Variants in PCSK2 observed in about 807,000 individuals in gnomAD.
PCSK2 encodes the protein proprotein convertase subtilisin/kexin type 2, also known as neuroendocrine convertase 2.
In PCSK2, 14 loss-of-function variants were observed where a neutral mutation model predicts 69.7. The ratio of observed to expected loss-of-function variants is 0.20; its 90% confidence interval spans 0.13 to 0.31. PCSK2 has a LOEUF of 0.31. Ranked by LOEUF, PCSK2 falls within the 10% of genes least tolerant of loss-of-function variation. The probability of loss-of-function intolerance (pLI) is 1.00; values close to 1 mark genes in which losing one functional copy is unlikely to be tolerated. For missense variants in PCSK2, 544 were observed against 842.5 expected (o/e 0.65, Z 4.39); for synonymous variants, 307 against 320.7 (o/e 0.96, Z 0.46).
chr20:17,353,266 T>G (rs2030059805), intron 2 of PCSK2, among the ~76,000 whole-genome samples: 1 of 150,034 alleles, frequency 6.7e-6, no homozygotes, highest in South Asian at 2.1e-4. Context: ...ATTGAGACCA[T>G]CCTGGCCAAC....
intron 1 of PCSK2, among the ~76,000 whole-genome samples, chr20:17,241,099 T>C (rs532013363): frequency 6.6e-6 from 1 of 152,170 alleles, no homozygotes; most frequent in Non-Finnish European, 1.5e-5. Context: ...GTTTTTGTGA[T>C]AGATTTAATA....
At chr20:17,337,483 T>C (rs1990386409) in intron 2 of PCSK2, among the ~76,000 whole-genome samples, 1 of 152,130 alleles carries the variant, frequency 6.6e-6, no homozygotes, top group Admixed American at 6.5e-5. Context: ...AACCCTCAGC[T>C]GTAGATGAGA....
intron 2 of PCSK2, among the ~76,000 whole-genome samples, chr20:17,313,381 C>T (rs1989577270): frequency 6.6e-6 from 1 of 151,944 alleles, no homozygotes; most frequent in Admixed American, 6.6e-5. Flanking sequence ...CTCACCTTCC[C>T]CCTCCCACTC....
At chr20:17,233,037 G>T (rs1022699772) in intron 1 of PCSK2, among the ~76,000 whole-genome samples, 1 of 152,138 alleles carries the variant, frequency 6.6e-6, no homozygotes, top group African/African-American at 2.4e-5. Context: ...TATCCATTTG[G>T]TGCTTTGATG....
chr20:17,301,498 A>T (rs1381011815), intron 2 of PCSK2, among the ~76,000 whole-genome samples: 1 of 152,220 alleles, frequency 6.6e-6, no homozygotes, highest in Non-Finnish European at 1.5e-5. Flanking sequence ...CATTTGACTG[A>T]TTCATCTACA....
At chr20:17,399,457 C>T (rs2031587195) in intron 5 of PCSK2, among the ~76,000 whole-genome samples, 1 of 152,156 alleles carries the variant, frequency 6.6e-6, no homozygotes, top group Non-Finnish European at 1.5e-5. Flanking sequence ...AGAAAAGCAA[C>T]TAATATTCCA....
chr20:17,333,307 A>G (rs1290103654), intron 2 of PCSK2, among the ~76,000 whole-genome samples: 1 of 152,192 alleles, frequency 6.6e-6, no homozygotes, highest in African/African-American at 2.4e-5. Context: ...TCTTTTCCCA[A>G]TTTTTGTATT....
rs113487407 is a variant in PCSK2 at position 17,481,413 on chromosome 20, A to AAAAG, written c.1431-170_1431-169insAAGA. 1.7e-3 allele frequency among the ~76,000 whole-genome samples: 195 copies of AAAAG among 115,820 alleles called. 12 individuals are homozygous for AAAAG. The highest frequency in any genetic ancestry group is 2.7e-3 in the South Asian group (10 of 3,764). 76.0% of individuals were successfully genotyped at this position (115,820 alleles called of 152,430 possible). ...CAAAAAAAAAAAAAAAAAAAAAAAA[A>AAAAG]AGAGATAAGTAACTTACTCAGGCTC... On this transcript the variant is annotated intron_variant, in intron 11 of 11. Transcript: ENST00000262545.
At chr20:17,338,553 G>C (rs1408688852) in intron 2 of PCSK2, among the ~76,000 whole-genome samples, 2 of 152,120 alleles carry the variant, frequency 1.3e-5, no homozygotes, top group East Asian at 3.8e-4. Flanking sequence ...CTTTTTGCCT[G>C]TTCTGTCAGG....
At chr20:17,315,839 G>C (rs1299430128) in intron 2 of PCSK2, among the ~76,000 whole-genome samples, 1 of 152,144 alleles carries the variant, frequency 6.6e-6, no homozygotes, top group East Asian at 1.9e-4. Context: ...CTTCACCCCC[G>C]GCCGGTGTGA....
At chr20:17,290,467 C>T (rs1394176759) in intron 2 of PCSK2, among the ~76,000 whole-genome samples, 2 of 152,162 alleles carry the variant, frequency 1.3e-5, no homozygotes, top group Non-Finnish European at 2.9e-5. Flanking sequence ...GGAATGTGTA[C>T]TTTACATATT....
intron 5 of PCSK2, among the ~76,000 whole-genome samples, chr20:17,399,474 C>T (rs1229071170): frequency 6.6e-6 from 1 of 152,164 alleles, no homozygotes; most frequent in Non-Finnish European, 1.5e-5. Flanking sequence ...TCCATGACAT[C>T]AGTAGAATTG....
At chr20:17,379,133 CT>C (rs1324078137) in intron 5 of PCSK2, among the ~76,000 whole-genome samples, 2 of 152,232 alleles carry the variant, frequency 1.3e-5, no homozygotes, top group Non-Finnish European at 2.9e-5. Flanking sequence ...ATCATACTGT[CT>C]TAAAGCCACA....
chr20:17,306,370 A>G (rs1373281590), intron 2 of PCSK2, among the ~76,000 whole-genome samples: 7 of 152,174 alleles, frequency 4.6e-5, no homozygotes, highest in Non-Finnish European at 1.0e-4. Flanking sequence ...GAACCTGCAT[A>G]CAGACTGATG....
At chr20:17,350,621 G>A (rs550769948) in intron 2 of PCSK2, among the ~76,000 whole-genome samples, 12 of 152,244 alleles carry the variant, frequency 7.9e-5, no homozygotes, top group East Asian at 5.8e-4. Context: ...GAGGCAATGC[G>A]GCTTAGTCGA....
intron 2 of PCSK2, among the ~76,000 whole-genome samples, chr20:17,336,547 A>C (rs1990357077): frequency 6.6e-6 from 1 of 152,208 alleles, no homozygotes; most frequent in South Asian, 2.1e-4. Context: ...AGCAAACATC[A>C]GGCAAACGGC....
chr20:17,463,447 T>C (rs2033046047), intron 10 of PCSK2: 1 of 152,190 alleles, frequency 6.6e-6, no homozygotes, highest in African/African-American at 2.4e-5. Context: ...GTCCAAGACA[T>C]GTTCTGAATC....
At chr20:17,480,513 G>A (rs1194353590) in intron 11 of PCSK2, among the ~76,000 whole-genome samples, 4 of 152,076 alleles carry the variant, frequency 2.6e-5, no homozygotes. Flanking sequence ...GGTAGTAATG[G>A]CAGTCATATT....
chr20:17,277,521 G>C (rs1004954476), intron 2 of PCSK2, among the ~76,000 whole-genome samples: 3 of 152,188 alleles, frequency 2.0e-5, no homozygotes, highest in Non-Finnish European at 4.4e-5. Context: ...GCCATATGTA[G>C]AAACCTGAAA....
Sources: allele counts gnomAD v4.1 joint callset (sites outside exome capture counted in the v4.1 genomes callset), GRCh38; gene constraint gnomAD v4.1.1; transcripts MANE v1.5; gene names NCBI Gene and HGNC (gene_info 2026-07-23, HGNC 2026-07-21).